IL1R2: variants seen among roughly 807,000 people sequenced by gnomAD.
The protein encoded by IL1R2 is interleukin-1 receptor type 2.
IL1R2 carries 46 observed loss-of-function variants against 39.5 expected under a neutral mutation model. The observed-to-expected ratio is 1.16, with a 90% CI of 0.92 to 1.49. The LOEUF (loss-of-function observed/expected upper bound fraction) is 1.49. Ranked by LOEUF, IL1R2 falls within the 40% of genes most tolerant of loss-of-function variation. The pLI, the probability that IL1R2 is intolerant of heterozygous loss-of-function variation, is 0.00. For synonymous variants in IL1R2, 207 were observed against 189.6 expected (o/e 1.09, Z -0.75); for missense variants, 537 against 502.0 (o/e 1.07, Z -0.67).
At chr2:101,995,289 G>A (rs1480432227) in intron 1 of IL1R2, among the ~76,000 whole-genome samples, 2 of 151,706 alleles carry the variant, frequency 1.3e-5, no homozygotes, top group African/African-American at 2.4e-5. Flanking sequence ...TAAAGCAGCA[G>A]CAGATGTTGT....
chr2:101,994,182 G>C (rs1056823928), intron 1 of IL1R2, among the ~76,000 whole-genome samples: 1 of 152,156 alleles, frequency 6.6e-6, no homozygotes, highest in Admixed American at 6.5e-5. Flanking sequence ...CTCTCTCCCG[G>C]GGTCTTCAGT....
At chr2:102,005,861 A>AT (rs1179985192) in intron 1 of IL1R2, among the ~76,000 whole-genome samples, 1 of 152,190 alleles carries the variant, frequency 6.6e-6, no homozygotes, top group Non-Finnish European at 1.5e-5. Context: ...TAGAAGGTGT[A>AT]TTTTCAAAGA....
chr2:102,024,424 G>T, intron 6 of IL1R2, 109 bp from the exon 7 acceptor site: 2 of 738,942 alleles, frequency 2.7e-6, no homozygotes, highest in Non-Finnish European at 4.9e-6. Flanking sequence ...GGAAAGAATT[G>T]GGTGGTGAGG....
intron 2 of IL1R2, 63 bp from the exon 3 acceptor site, chr2:102,009,499 G>C: frequency 6.4e-7 from 1 of 1,554,222 alleles, no homozygotes; most frequent in South Asian, 1.2e-5. Flanking sequence ...CAGGTGCAGG[G>C]AGGTTTTATG....
At chr2:102,007,091 C>T (rs986835851) in intron 1 of IL1R2, among the ~76,000 whole-genome samples, 3 of 152,106 alleles carry the variant, frequency 2.0e-5, no homozygotes, top group East Asian at 1.9e-4. Flanking sequence ...AGTGAACGAC[C>T]GTTGTTTCAC....
Position 102,015,953 on chromosome 2 carries a change from C to A in IL1R2, c.415C>A (p.Pro139Thr), listed in dbSNP as rs1257813904. 1 of 1,613,840 alleles carries A rather than the reference C, an allele frequency of 6.2e-7. No homozygotes were observed. The highest frequency in any genetic ancestry group is 1.3e-5 in the African/African-American group (1 of 75,034). The change falls in exon 4 of 9, where the codon CCG becomes ACG. Residue 139 changes from proline to threonine, a missense_variant. Transcript: ENST00000332549. Reference sequence around the variant, plus strand: ...TGCTTTCCTGCCGTTCATCTCATACCCGCAAATTTTAACCTTGTCAACCTC... The same window carrying A: ...TGCTTTCCTGCCGTTCATCTCATACACGCAAATTTTAACCTTGTCAACCTC... ...TDAFLPFISY[P>T]QILTLSTSGV...
At chr2:101,999,232 T>C (rs1272285602) in intron 1 of IL1R2, 2 of 152,388 alleles carry the variant, frequency 1.3e-5, no homozygotes, top group Non-Finnish European at 2.9e-5. Context: ...TGGGCAGGTT[T>C]TCTGGATGAC....
chr2:102,002,122 C>T (rs866307077), intron 1 of IL1R2: 2 of 152,244 alleles, frequency 1.3e-5, no homozygotes, highest in South Asian at 2.1e-4. Flanking sequence ...ACTCCTTCTA[C>T]ATGCTGGAAA....
intron 5 of IL1R2, chr2:102,021,925 G>A: frequency 2.3e-6 from 1 of 441,910 alleles, no homozygotes; most frequent in Non-Finnish European, 4.2e-6. Flanking sequence ...GTTTATCATA[G>A]AGCAAGGACT....
chr2:102,012,072 G>A (rs1676672185), intron 3 of IL1R2, among the ~76,000 whole-genome samples: 1 of 152,132 alleles, frequency 6.6e-6, no homozygotes, highest in South Asian at 2.1e-4. Context: ...GCCTAGTGTT[G>A]GTGATCTTAA....
At chr2:102,025,255 G>A (rs1386892189) in intron 7 of IL1R2, among the ~76,000 whole-genome samples, 2 of 152,212 alleles carry the variant, frequency 1.3e-5, no homozygotes, top group African/African-American at 4.8e-5. Context: ...ATTCCAAATT[G>A]TAACTCTTTT....
chr2:102,006,464 A>G (rs1475547677), intron 1 of IL1R2, among the ~76,000 whole-genome samples: 1 of 152,186 alleles, frequency 6.6e-6, no homozygotes, highest in Admixed American at 6.5e-5. Context: ...CCTTGGACTC[A>G]GGGTTCCCCA....
chr2:102,028,344 G>C lies in IL1R2; in HGVS notation c.1149G>C (p.Leu383=). 1 of 1,610,382 alleles carries C rather than the reference G, an allele frequency of 6.2e-7. No individual in the cohort carries two copies. Among genetic ancestry groups the C allele is most frequent in the South Asian group, 1.1e-5 (1 of 89,868 alleles). Residue 383 remains leucine (L), a synonymous_variant, in exon 9 of 9, where the codon CTG becomes CTC. Coordinates refer to ENST00000332549, the MANE Select transcript of IL1R2 (RefSeq NM_004633.4). ...CKHRTGKADG[L]TVLWPHHQDF... ...ACAGAACTGGAAAAGCAGATGGTCT[G>C]ACTGTGCTATGGCCTCATCATCAAG...
chr2:101,992,224 C>G (rs1675363778), intron 1 of IL1R2, among the ~76,000 whole-genome samples: 1 of 147,584 alleles, frequency 6.8e-6, no homozygotes, highest in Admixed American at 6.7e-5. Flanking sequence ...GGCAGAGAAA[C>G]AGAGACAGAA....
intron 1 of IL1R2, among the ~76,000 whole-genome samples, chr2:101,996,684 A>G (rs1675607078): frequency 6.6e-6 from 1 of 151,584 alleles, no homozygotes. Context: ...AAACTTTGGA[A>G]GAAAATATTT....
chr2:102,024,732 T>TA, intron 7 of IL1R2, 64 bp downstream of exon 7: 1 of 1,607,042 alleles, frequency 6.2e-7, no homozygotes, highest in Non-Finnish European at 8.5e-7. Flanking sequence ...TGGAGACAGT[T>TA]ATCACTATGA....
intron 1 of IL1R2, among the ~76,000 whole-genome samples, chr2:102,005,914 A>G (rs4851527): frequency 0.63 from 96,404 of 152,150 alleles, 31,973 homozygotes; most frequent in African/African-American, 0.82. Flanking sequence ...AAATTTCAAC[A>G]TCTGCTTACT....
At chr2:101,998,148 G>T (rs553384612) in intron 1 of IL1R2, among the ~76,000 whole-genome samples, 1 of 152,334 alleles carries the variant, frequency 6.6e-6, no homozygotes, top group African/African-American at 2.4e-5. Flanking sequence ...AGAAAGAGGA[G>T]TTTGAACAAA....
chr2:101,999,400 C>G (rs975791198), intron 1 of IL1R2, among the ~76,000 whole-genome samples: 1 of 152,258 alleles, frequency 6.6e-6, no homozygotes, highest in Admixed American at 6.5e-5. Context: ...CCCAGCAGAG[C>G]TGGAAGTCCA....
Sources: allele counts gnomAD v4.1 joint callset (sites outside exome capture counted in the v4.1 genomes callset), GRCh38; gene constraint gnomAD v4.1.1; transcripts MANE v1.5; gene names NCBI Gene and HGNC (gene_info 2026-07-23, HGNC 2026-07-21).